SIM1: variants seen among roughly 807,000 people sequenced by gnomAD.
The protein encoded by SIM1 is single-minded homolog 1.
Under a neutral mutation model 78.2 loss-of-function variants are expected in SIM1, and 18 were observed. That is an observed-to-expected ratio of 0.23 (90% CI 0.16 to 0.34). The LOEUF is 0.34. Ranked by LOEUF, SIM1 falls within the 10% of genes least tolerant of loss-of-function variation. SIM1 has a pLI of 1.00. For missense variants in SIM1, 939 were observed against 975.1 expected (o/e 0.96, Z 0.49); for synonymous variants, 417 against 385.2 (o/e 1.08, Z -0.97).
intron 9 of SIM1, among the ~76,000 whole-genome samples, chr6:100,433,616 C>T (rs1771957612): frequency 6.6e-6 from 1 of 151,816 alleles, no homozygotes; most frequent in African/African-American, 2.4e-5. Flanking sequence ...TGCATGCCAT[C>T]CCAGCTACTC....
At chr6:100,445,871 G>A (rs1179831353) in intron 9 of SIM1, among the ~76,000 whole-genome samples, 1 of 151,984 alleles carries the variant, frequency 6.6e-6, no homozygotes, top group Non-Finnish European at 1.5e-5. Context: ...TATGTATTAT[G>A]CTTTGCCATT....
intron 10 of SIM1, among the ~76,000 whole-genome samples, chr6:100,408,205 C>T (rs1373638350): frequency 6.6e-6 from 1 of 152,042 alleles, no homozygotes; most frequent in Non-Finnish European, 1.5e-5. Flanking sequence ...TGAAAAAACT[C>T]TTTTCCCCAT....
chr6:100,452,495 G>A (rs538989161), intron 3 of SIM1, among the ~76,000 whole-genome samples: 2 of 152,208 alleles, frequency 1.3e-5, no homozygotes, highest in African/African-American at 4.8e-5. Flanking sequence ...CCAGTGAAGA[G>A]CATGATGGGT....
At position 100,449,455 on chromosome 6, in the gene SIM1, G is replaced by T. The variant is rs752857981; in HGVS notation, c.458-7C>A. 1.2e-6 allele frequency: 2 copies of T among 1,612,822 alleles called. No individual in the cohort carries two copies. Among genetic ancestry groups the T allele is most frequent in the Non-Finnish European group, 1.7e-6 (2 of 1,178,808 alleles). On this transcript the variant is annotated splice_region_variant and splice_polypyrimidine_tract_variant and intron_variant, in intron 5 of 11. Transcript: ENST00000369208. The stretch of plus-strand genomic sequence containing the variant: ...GAGCGCTCGATCTCATACTCTGGGA[G>T]AGAGGAACGAAGGGAAGCTCAGGTC...
chr6:100,455,199 T>C (rs1398461037), intron 2 of SIM1, among the ~76,000 whole-genome samples: 1 of 152,068 alleles, frequency 6.6e-6, no homozygotes, highest in Non-Finnish European at 1.5e-5. Flanking sequence ...TCAAATCCGG[T>C]CTTTCTGGTT....
At chr6:100,446,829 T>C (rs993462735) in intron 9 of SIM1, among the ~76,000 whole-genome samples, 5 of 152,208 alleles carry the variant, frequency 3.3e-5, no homozygotes, top group African/African-American at 1.2e-4. Flanking sequence ...TCAGAACTCT[T>C]AACTTTGATT....
chr6:100,461,331 A>G (rs1772836470), intron 2 of SIM1, among the ~76,000 whole-genome samples: 1 of 152,252 alleles, frequency 6.6e-6, no homozygotes, highest in African/African-American at 2.4e-5. Flanking sequence ...AGCAGAAAAC[A>G]GCCCGATTTC....
chr6:100,399,066 G>C (rs559472199), intron 10 of SIM1, among the ~76,000 whole-genome samples: 1 of 151,862 alleles, frequency 6.6e-6, no homozygotes, highest in Non-Finnish European at 1.5e-5. Flanking sequence ...GCATCCTTCC[G>C]CAGGCATATT....
chr6:100,450,013 C>A (rs1234768021), intron 4 of SIM1, among the ~76,000 whole-genome samples: 1 of 152,148 alleles, frequency 6.6e-6, no homozygotes, highest in Non-Finnish European at 1.5e-5. Flanking sequence ...AAGTATGTAA[C>A]GTCCTCTCAT....
intron 10 of SIM1, among the ~76,000 whole-genome samples, chr6:100,395,294 C>A (rs1341433248): frequency 6.6e-6 from 1 of 152,030 alleles, no homozygotes; most frequent in Non-Finnish European, 1.5e-5. Context: ...TTAATCATTC[C>A]ATATACATTT....
At chr6:100,416,497 T>C (rs956620355) in intron 10 of SIM1, among the ~76,000 whole-genome samples, 2 of 152,204 alleles carry the variant, frequency 1.3e-5, no homozygotes, top group Non-Finnish European at 2.9e-5. Flanking sequence ...ATTTTGCTTT[T>C]GCTCTGGAAA....
intron 10 of SIM1, among the ~76,000 whole-genome samples, chr6:100,414,643 T>G (rs1771353522): frequency 6.6e-6 from 1 of 152,206 alleles, no homozygotes. Flanking sequence ...ATTAAAAATT[T>G]TTGTTGTTAA....
intron 9 of SIM1, among the ~76,000 whole-genome samples, chr6:100,431,800 T>G (rs1315752099): frequency 6.6e-6 from 1 of 152,298 alleles, no homozygotes; most frequent in Middle Eastern, 3.4e-3. Context: ...AGTGGTCCAA[T>G]AGCTGATGCT....
intron 9 of SIM1, among the ~76,000 whole-genome samples, chr6:100,437,006 G>A (rs952781652): frequency 6.6e-6 from 1 of 152,022 alleles, no homozygotes; most frequent in Non-Finnish European, 1.5e-5. Context: ...AAAGTGCTGG[G>A]ATGACAGGCA....
chr6:100,444,688 C>T (rs538040199), intron 9 of SIM1, among the ~76,000 whole-genome samples: 7 of 152,214 alleles, frequency 4.6e-5, no homozygotes, highest in African/African-American at 1.4e-4. Context: ...GTTGCAACTG[C>T]TTATTAAAAC....
intron 6 of SIM1, among the ~76,000 whole-genome samples, chr6:100,449,085 CT>C (rs1276033144): frequency 8.5e-5 from 13 of 152,222 alleles, no homozygotes; most frequent in Admixed American, 8.5e-4. Context: ...ATTCAGAGGC[CT>C]TACGGACCCT....
In SIM1 at chr6:100,412,759, A is replaced by AAAAAAGAAAG. The variant is rs1562240282; in HGVS notation, c.1167+8030_1167+8031insCTTTCTTTTT. On this transcript the variant is annotated intron_variant, in intron 10 of 11. Coordinates refer to ENST00000369208, the MANE Select transcript of SIM1 (RefSeq NM_005068.3). ...AGAAAGAAAGAAAGAAAGAAAAAAG[A>AAAAAAGAAAG]AAAGAAAAAGAAAGGGAGAAAGAGA... Among the ~76,000 whole-genome samples the AAAAAAGAAAG allele has an allele frequency of 4.1e-4, 51 of 123,230 alleles. 1 individual carries two copies. Among genetic ancestry groups the AAAAAAGAAAG allele is most frequent in the East Asian group, 2.1e-3 (8 of 3,866 alleles). 80.8% of individuals were successfully genotyped at this position (123,230 alleles called of 152,430 possible).
At chr6:100,456,285 C>T (rs1043174024) in intron 2 of SIM1, among the ~76,000 whole-genome samples, 2 of 152,212 alleles carry the variant, frequency 1.3e-5, no homozygotes. Context: ...TGGAGCCCCT[C>T]GCCTCCTGCC....
At chr6:100,458,533 C>A (rs1304492747) in intron 2 of SIM1, among the ~76,000 whole-genome samples, 1 of 152,208 alleles carries the variant, frequency 6.6e-6, no homozygotes, top group Non-Finnish European at 1.5e-5. Flanking sequence ...GCTGCTGGCA[C>A]ACACCTGCAC....
Sources: gnomAD v4.1 joint callset for allele counts (sites outside exome capture counted in the v4.1 genomes callset) on GRCh38, gnomAD v4.1.1 for gene constraint, MANE v1.5 for transcripts, NCBI Gene and HGNC (gene_info 2026-07-23, HGNC 2026-07-21) for gene names.